The following PLXNA4 variants were observed in gnomAD, a reference collection of about 807,000 sequenced individuals.
The protein encoded by PLXNA4 is plexin-A4.
Under a neutral mutation model 191.8 loss-of-function variants are expected in PLXNA4, and 44 were observed. The observed-to-expected ratio is 0.23, with a 90% CI of 0.18 to 0.29. The LOEUF is 0.29. Among genes scored for constraint, PLXNA4 ranks in the 10% least tolerant of loss-of-function variants. The probability of loss-of-function intolerance (pLI) is 1.00; values close to 1 mark genes in which losing one functional copy is unlikely to be tolerated. For missense variants in PLXNA4, 1,800 were observed against 2,488.8 expected (o/e 0.72, Z 5.89); for synonymous variants, 1,082 against 1,009.5 (o/e 1.07, Z -1.36).
chr7:132,576,440 C>T lies in PLXNA4; in HGVS notation c.-105G>A. ...TCCTTACCTGGACGCGCCGCGTTTC[C>T]CTCCTTCAGCGGGAGCGCCGCATTG... On this transcript the variant is annotated 5_prime_UTR_variant, in exon 1 of 32. Coordinates refer to ENST00000321063, the MANE Select transcript of PLXNA4 (RefSeq NM_020911.2). The surrounding 1 kb of genome is among the most constrained non-coding windows in gnomAD (Gnocchi z 5.8). 2.0e-6 allele frequency: 2 copies of T among 985,930 alleles called. No homozygotes were observed. The highest frequency in any genetic ancestry group is 2.4e-6 in the Non-Finnish European group (2 of 830,054). 61.1% of individuals were successfully genotyped at this position (985,930 alleles called of 1,614,324 possible). A position where few individuals can be genotyped will look rare whatever the true frequency, so the allele number is the denominator to read the frequency against.
At chr7:132,308,263 G>A (rs1454629803) in intron 3 of PLXNA4, among the ~76,000 whole-genome samples, 1 of 152,188 alleles carries the variant, frequency 6.6e-6, no homozygotes, top group Non-Finnish European at 1.5e-5. Context: ...AGAGCACTGT[G>A]TGCTAAAGTT....
chr7:132,374,472 C>A (rs893877916), intron 3 of PLXNA4, among the ~76,000 whole-genome samples: 1 of 152,146 alleles, frequency 6.6e-6, no homozygotes, highest in Non-Finnish European at 1.5e-5. Flanking sequence ...CCTACACCAG[C>A]AAAGGCTGGA....
intron 1 of PLXNA4, among the ~76,000 whole-genome samples, chr7:132,550,260 G>T (rs1452097171): frequency 6.6e-6 from 1 of 152,182 alleles, no homozygotes; most frequent in Non-Finnish European, 1.5e-5. Flanking sequence ...GGATGCCCAG[G>T]AGTGGGGCAT....
chr7:132,269,679 C>A (rs1253454749), intron 4 of PLXNA4, among the ~76,000 whole-genome samples: 2 of 151,334 alleles, frequency 1.3e-5, no homozygotes, highest in African/African-American at 4.9e-5. Flanking sequence ...TTTTTTTCTG[C>A]CAACTGTTGC....
At chr7:132,523,004 C>T (rs1177177509) in intron 1 of PLXNA4, among the ~76,000 whole-genome samples, 1 of 151,866 alleles carries the variant, frequency 6.6e-6, no homozygotes, top group African/African-American at 2.4e-5. Flanking sequence ...CTCTCGGGGG[C>T]CAAGGGCTTG....
chr7:132,563,594 C>T (rs1204874133), intron 1 of PLXNA4, among the ~76,000 whole-genome samples: 3 of 116,816 alleles, frequency 2.6e-5, no homozygotes, highest in Non-Finnish European at 3.6e-5. Flanking sequence ...TTCTCCTCAT[C>T]CTTTCTCCTC....
chr7:132,507,391 A>C (rs1798508906), intron 2 of PLXNA4, 115 bp downstream of exon 2: 16 of 1,103,450 alleles, frequency 1.5e-5, no homozygotes, highest in Middle Eastern at 2.5e-4. Flanking sequence ...GGGATGGGAT[A>C]TACTCACTTC....
chr7:132,595,448 G>A (rs1447893971), intron 2 of PLXNA4, among the ~76,000 whole-genome samples: 1 of 152,192 alleles, frequency 6.6e-6, no homozygotes, highest in Non-Finnish European at 1.5e-5. Context: ...AGATCCAGGA[G>A]AATAAGGAAT....
intron 3 of PLXNA4, among the ~76,000 whole-genome samples, chr7:132,479,608 T>C (rs1412494590): frequency 6.6e-6 from 1 of 152,122 alleles, no homozygotes; most frequent in Admixed American, 6.5e-5. Flanking sequence ...AGGAGTGGTT[T>C]TGGGGGGAAG....
chr7:132,507,420 A>G, intron 2 of PLXNA4, 86 bp downstream of exon 2: 1 of 1,410,896 alleles, frequency 7.1e-7, no homozygotes, highest in African/African-American at 1.4e-5. Context: ...AAGGGGAAGG[A>G]TGATACACAT....
chr7:132,513,581 T>C (rs2116305843), intron 1 of PLXNA4, among the ~76,000 whole-genome samples: 1 of 152,328 alleles, frequency 6.6e-6, no homozygotes, highest in South Asian at 2.1e-4. Context: ...TCTCAGAAAA[T>C]GTGCCCTAAG....
At chr7:132,244,398 C>A (rs1584892453) in intron 4 of PLXNA4, among the ~76,000 whole-genome samples, 1 of 152,332 alleles carries the variant, frequency 6.6e-6, no homozygotes, top group Non-Finnish European at 1.5e-5. Flanking sequence ...ATCATCTGGG[C>A]AGCTAGAGCT....
At chr7:132,429,648 A>G (rs1795187175) in intron 3 of PLXNA4, among the ~76,000 whole-genome samples, 2 of 152,184 alleles carry the variant, frequency 1.3e-5, no homozygotes, top group South Asian at 4.1e-4. Context: ...TGAGCTATAA[A>G]AACAAGTGGC....
intron 3 of PLXNA4, among the ~76,000 whole-genome samples, chr7:132,436,541 CA>C (rs1795476389): frequency 1.3e-5 from 2 of 152,230 alleles, no homozygotes; most frequent in South Asian, 4.1e-4. Flanking sequence ...GGAACCAATG[CA>C]GTGGGAGATC....
At chr7:132,197,473 G>A (rs1797288564) in intron 13 of PLXNA4, among the ~76,000 whole-genome samples, 2 of 152,144 alleles carry the variant, frequency 1.3e-5, no homozygotes, top group Admixed American at 1.3e-4. Context: ...TAAATCCAAA[G>A]TAGGATATTT....
Position 132,134,951 on chromosome 7 carries a change from G to A in PLXNA4, c.5439-1752C>T, listed in dbSNP as rs575795153. ...ACATCCTCAGGTACCTCAGGACACA[G>A]GGCTCTGAGTAATTTAACGACATTC... On this transcript the variant is annotated intron_variant, in intron 30 of 31. Transcript: ENST00000321063. 1.8e-4 allele frequency among the ~76,000 whole-genome samples: 27 copies of A among 152,268 alleles called. No individual in the cohort carries two copies. In the South Asian group the frequency reaches 5.6e-3, roughly 32 times the overall value.
intron 24 of PLXNA4, among the ~76,000 whole-genome samples, chr7:132,160,357 T>C (rs540173069): frequency 2.0e-5 from 3 of 152,358 alleles, no homozygotes; most frequent in South Asian, 4.1e-4. Flanking sequence ...GTTCAGGGCC[T>C]CCATTTCTCC....
Position 132,625,069 on chromosome 7 carries a change from A to G in PLXNA4, c.-87+20859T>C, listed in dbSNP as rs567798815. On this transcript the variant is annotated intron_variant, in intron 2 of 4. Coordinates refer to the PLXNA4 transcript ENST00000378539. ...AAATAAAGCTATTTATTTGGCCTTCACGATTTTTTCTTCTTTGTTCTTCAA... is the reference window on the plus strand; with the variant it reads ...AAATAAAGCTATTTATTTGGCCTTCGCGATTTTTTCTTCTTTGTTCTTCAA... Among the ~76,000 whole-genome samples the G allele has an allele frequency of 6.6e-5, 10 of 152,294 alleles. No individual in the cohort carries two copies. The East Asian group carries it at 1.5e-3, about 24-fold the overall frequency.
chr7:132,595,194 C>A lies in PLXNA4; in HGVS notation c.-87+50734G>T, dbSNP rs1258415042. ...CCACTTCCCCATCTTCCCACAGAGA[C>A]CTCCAGCACCCAGCAGTGATGTCCA... On this transcript the variant is annotated intron_variant, in intron 2 of 4. Transcript: ENST00000378539. Among the ~76,000 whole-genome samples the A allele has an allele frequency of 5.9e-5, 9 of 152,258 alleles. No individual in the cohort carries two copies. The South Asian group carries it at 1.5e-3, about 25-fold the overall frequency.
Sources: allele counts gnomAD v4.1 joint callset (sites outside exome capture counted in the v4.1 genomes callset), GRCh38; gene constraint gnomAD v4.1.1; non-coding constraint Gnocchi (gnomAD v3.1); transcripts MANE v1.5; gene names NCBI Gene and HGNC (gene_info 2026-07-23, HGNC 2026-07-21).